The following ROBO2 variants were observed in gnomAD, a reference collection of about 807,000 sequenced individuals.
ROBO2 encodes roundabout guidance receptor 2, also known as roundabout homolog 2.
Under a neutral mutation model 160.8 loss-of-function variants are expected in ROBO2, and 53 were observed. The ratio of observed to expected loss-of-function variants is 0.33; its 90% CI spans 0.26 to 0.41. The LOEUF is 0.41. Ranked by LOEUF, ROBO2 falls within the 10% of genes least tolerant of loss-of-function variation. The pLI is 1.00. For synonymous variants in ROBO2, 664 were observed against 611.7 expected (o/e 1.09, Z -1.26); for missense variants, 1,577 against 1,722.4 (o/e 0.92, Z 1.49).
intron 2 of ROBO2, among the ~76,000 whole-genome samples, chr3:77,033,698 G>C (rs933836695): frequency 1.3e-5 from 2 of 151,888 alleles, no homozygotes; most frequent in East Asian, 3.9e-4. Flanking sequence ...TGAAGAAAAC[G>C]ATTACAGATG....
chr3:76,444,010 A>G (rs1282340563), intron 2 of ROBO2, among the ~76,000 whole-genome samples: 4 of 152,044 alleles, frequency 2.6e-5, no homozygotes, highest in African/African-American at 7.2e-5. Flanking sequence ...CTGTCCCCCA[A>G]GCTGGAGTGC....
intron 2 of ROBO2, among the ~76,000 whole-genome samples, chr3:76,719,467 C>T (rs2107695107): frequency 6.6e-6 from 1 of 152,286 alleles, no homozygotes; most frequent in African/African-American, 2.4e-5. Context: ...TCCTGAATAG[C>T]TAGCACTACA....
At chr3:76,277,591 G>A (rs568360994) in intron 2 of ROBO2, among the ~76,000 whole-genome samples, 1 of 151,986 alleles carries the variant, frequency 6.6e-6, no homozygotes, top group African/African-American at 2.4e-5. Flanking sequence ...AAATATTAGA[G>A]GGACTACAAA....
At chr3:76,010,641 GAATATGTCCACAT>G (rs1406432279) in intron 2 of ROBO2, among the ~76,000 whole-genome samples, 1 of 152,206 alleles carries the variant, frequency 6.6e-6, no homozygotes, top group Non-Finnish European at 1.5e-5. Flanking sequence ...CCTTGAATGT[GAATATGTCCACAT>G]AATTTTTTTC....
chr3:76,758,682 A>ACCAT (rs1181140928), intron 2 of ROBO2, among the ~76,000 whole-genome samples: 2 of 151,840 alleles, frequency 1.3e-5, no homozygotes, highest in East Asian at 3.9e-4. Flanking sequence ...TCTATGATCA[A>ACCAT]AGGTGATCTA....
intron 2 of ROBO2, among the ~76,000 whole-genome samples, chr3:76,858,639 A>G (rs2070403109): frequency 6.6e-6 from 1 of 152,202 alleles, no homozygotes; most frequent in African/African-American, 2.4e-5. Flanking sequence ...ATCTAAAGCC[A>G]AATAGTAAAG....
chr3:77,623,167 G>A (rs940680586), intron 23 of ROBO2, among the ~76,000 whole-genome samples: 1 of 152,030 alleles, frequency 6.6e-6, no homozygotes, highest in Non-Finnish European at 1.5e-5. Flanking sequence ...CAATGAATTT[G>A]GAGAAAACTA....
chr3:77,356,360 A>T (rs2069126154), intron 2 of ROBO2, among the ~76,000 whole-genome samples: 1 of 152,090 alleles, frequency 6.6e-6, no homozygotes, highest in Non-Finnish European at 1.5e-5. Context: ...AAAGAGAGAG[A>T]CAGAAAGAAA....
In ROBO2 at chr3:76,407,502, T is replaced by C. The variant is rs73124707; in HGVS notation, c.109+469900T>C. Among the ~76,000 whole-genome samples, 87 of 151,930 alleles carry C rather than the reference T, an allele frequency of 5.7e-4. 1 individual carries two copies. The highest frequency in any genetic ancestry group is 1.0e-3 in the Non-Finnish European group (71 of 67,914). ...TTTGAAGCAGAGTTAATACTGGAAA[T>C]GGCATAAAAATGGGAAAAAATACCC... On this transcript the variant is annotated intron_variant, in intron 2 of 26. Coordinates refer to the ROBO2 transcript ENST00000487694.
intron 2 of ROBO2, among the ~76,000 whole-genome samples, chr3:76,955,068 C>T (rs541006698): frequency 6.6e-5 from 10 of 152,162 alleles, no homozygotes; most frequent in Non-Finnish European, 1.5e-4. Flanking sequence ...AATCTACCTT[C>T]TGTCTTTACG....
At position 76,145,273 on chromosome 3, in the gene ROBO2, A is replaced by G. The variant is rs79503622; in HGVS notation, c.109+207671A>G. Reference sequence around the variant, plus strand: ...TCTAAGCTCTGATAAATCTTCATAAAATAAGTTTTAATAAATGACTAATTT... The same window carrying G: ...TCTAAGCTCTGATAAATCTTCATAAGATAAGTTTTAATAAATGACTAATTT... On this transcript the variant is annotated intron_variant, in intron 2 of 26. Coordinates refer to the ROBO2 transcript ENST00000487694. Among the ~76,000 whole-genome samples the G allele has an allele frequency of 1.6e-3, 243 of 152,158 alleles. 2 individuals carry two copies. Among genetic ancestry groups the G allele is most frequent in the African/African-American group, 5.5e-3 (229 of 41,540 alleles).
intron 2 of ROBO2, among the ~76,000 whole-genome samples, chr3:76,643,661 T>A (rs1393678073): frequency 8.2e-6 from 1 of 122,090 alleles, no homozygotes; most frequent in African/African-American, 3.2e-5. Flanking sequence ...ATAATTTATG[T>A]CTACCCCTGT....
At chr3:77,260,004 G>C (rs1340262473) in intron 2 of ROBO2, among the ~76,000 whole-genome samples, 1 of 152,178 alleles carries the variant, frequency 6.6e-6, no homozygotes, top group African/African-American at 2.4e-5. Flanking sequence ...GACACGCTGA[G>C]GGTCAGGCCG....
intron 2 of ROBO2, among the ~76,000 whole-genome samples, chr3:76,266,243 G>A (rs950316036): frequency 1.3e-5 from 2 of 152,114 alleles, no homozygotes; most frequent in African/African-American, 4.8e-5. Flanking sequence ...TAATGTAAAT[G>A]CAATTTTTAA....
chr3:76,322,813 A>C (rs2072678542), intron 2 of ROBO2, among the ~76,000 whole-genome samples: 1 of 152,170 alleles, frequency 6.6e-6, no homozygotes, highest in Non-Finnish European at 1.5e-5. Flanking sequence ...TGATTACAGC[A>C]ACCTTCTTAT....
At chr3:75,933,516 ATT>A (rs879322188) in intron 1 of ROBO2, among the ~76,000 whole-genome samples, 4 of 144,668 alleles carry the variant, frequency 2.8e-5, no homozygotes, top group Non-Finnish European at 3.1e-5. Flanking sequence ...TCCAGAGAGG[ATT>A]TTTTTTTTTT....
At chr3:75,912,574 G>T (rs1054481551) in intron 1 of ROBO2, among the ~76,000 whole-genome samples, 42 of 152,110 alleles carry the variant, frequency 2.8e-4, no homozygotes, top group Non-Finnish European at 5.3e-4. Flanking sequence ...TGGCTTAAAA[G>T]AATTTAATTT....
At chr3:76,497,483 A>G (rs774543568) in intron 2 of ROBO2, among the ~76,000 whole-genome samples, 5 of 152,214 alleles carry the variant, frequency 3.3e-5, no homozygotes, top group Non-Finnish European at 7.3e-5. Flanking sequence ...GGCATGAGCC[A>G]CCACACTGGG....
chr3:75,936,181 G>A (rs1947774094), intron 1 of ROBO2, among the ~76,000 whole-genome samples: 1 of 152,144 alleles, frequency 6.6e-6, no homozygotes, highest in South Asian at 2.1e-4. Flanking sequence ...GGTTGAGTTA[G>A]ATGTTTCTTA....
Sources: gnomAD v4.1 joint callset for allele counts (sites outside exome capture counted in the v4.1 genomes callset) on GRCh38, gnomAD v4.1.1 for gene constraint, MANE v1.5 for transcripts, NCBI Gene and HGNC (gene_info 2026-07-23, HGNC 2026-07-21) for gene names.